EXT1: variants seen among roughly 807,000 people sequenced by gnomAD.
EXT1 encodes exostosin-1.
Under a neutral mutation model 82.5 loss-of-function variants are expected in EXT1, and 20 were observed. That is an observed-to-expected ratio of 0.24 (90% CI 0.17 to 0.35). The LOEUF (loss-of-function observed/expected upper bound fraction) is 0.35. Ranked by LOEUF, EXT1 falls within the 10% of genes least tolerant of loss-of-function variation. The probability of loss-of-function intolerance (pLI) is 1.00; values close to 1 mark genes in which losing one functional copy is unlikely to be tolerated. For missense variants in EXT1, 757 were observed against 936.5 expected, an observed-to-expected ratio of 0.81 and a Z score of 2.50; for synonymous variants, 348 against 350.8, an observed-to-expected ratio of 0.99 and a Z score of 0.09.
At chr8:117,876,058 G>A (rs1311437910) in intron 1 of EXT1, among the ~76,000 whole-genome samples, 4 of 152,182 alleles carry the variant, frequency 2.6e-5, no homozygotes, top group Admixed American at 6.5e-5. Flanking sequence ...TATAAGAGAT[G>A]CCCAATATGT....
chr8:117,836,992 C>A (rs1812197561), intron 2 of EXT1, 116 bp downstream of exon 2: 2 of 764,706 alleles, frequency 2.6e-6, no homozygotes, highest in East Asian at 5.0e-5. Context: ...ATTTTCAGAT[C>A]CTCAAGGGAA....
chr8:118,002,589 T>C (rs969467318), intron 1 of EXT1, among the ~76,000 whole-genome samples: 2 of 146,410 alleles, frequency 1.4e-5, no homozygotes, highest in Admixed American at 1.4e-4. Flanking sequence ...TGGAGCGCAG[T>C]GGTGCGATCT....
rs574855299 is a variant in EXT1 at position 118,010,304 on chromosome 8, G to A, written c.962+99781C>T. ...GGAGAATGGAGTGATCCCGGGAGAC[G>A]GAGCTTGCAGTGAGCTGAGATTGCG... On this transcript the variant is annotated intron_variant, in intron 1 of 10. Transcript: ENST00000378204. Among the ~76,000 whole-genome samples the A allele has an allele frequency of 1.7e-4, 25 of 150,462 alleles. No individual in the cohort carries two copies. In the South Asian group the frequency reaches 3.8e-3, roughly 23 times the overall value.
At chr8:118,005,504 GCTGA>G (rs1815755234) in intron 1 of EXT1, among the ~76,000 whole-genome samples, 1 of 152,170 alleles carries the variant, frequency 6.6e-6, no homozygotes, top group Admixed American at 6.5e-5. Context: ...CGTGCAATTA[GCTGA>G]CTTTCACAGC....
At chr8:117,869,242 C>A (rs1475698737) in intron 1 of EXT1, among the ~76,000 whole-genome samples, 19 of 152,192 alleles carry the variant, frequency 1.2e-4, no homozygotes, top group Admixed American at 1.2e-3. Context: ...GAAAGAAAAC[C>A]AATGTGCCAA....
intron 1 of EXT1, among the ~76,000 whole-genome samples, chr8:118,067,614 GGTCAA>G (rs1488521893): frequency 6.6e-6 from 1 of 152,148 alleles, no homozygotes; most frequent in Non-Finnish European, 1.5e-5. Context: ...TCAAAGCAGT[GGTCAA>G]GTCAATACTA....
intron 1 of EXT1, among the ~76,000 whole-genome samples, chr8:117,959,605 G>A (rs1814658258): frequency 6.6e-6 from 1 of 152,144 alleles, no homozygotes; most frequent in South Asian, 2.1e-4. Context: ...TCACAGATGA[G>A]GACACTGGAG....
At chr8:117,946,167 G>A (rs1436777287) in intron 1 of EXT1, among the ~76,000 whole-genome samples, 1 of 152,194 alleles carries the variant, frequency 6.6e-6, no homozygotes, top group Non-Finnish European at 1.5e-5. Context: ...CCAAAGTGCT[G>A]GGATTACAGG....
At chr8:118,054,884 G>C (rs775725969) in intron 1 of EXT1, among the ~76,000 whole-genome samples, 1 of 151,634 alleles carries the variant, frequency 6.6e-6, no homozygotes, top group Non-Finnish European at 1.5e-5. Context: ...GCCTCTCATT[G>C]TACAATTTCT....
intron 1 of EXT1, among the ~76,000 whole-genome samples, chr8:117,968,587 T>A: frequency 1.8e-5 from 1 of 54,524 alleles, no homozygotes. Flanking sequence ...TTTTTTTTTT[T>A]GAGACGGAGT....
In EXT1 at chr8:117,851,992, T is replaced by G. The variant is rs547431198; in HGVS notation, c.963-14791A>C. Among the ~76,000 whole-genome samples, 6 of 152,302 alleles carry G rather than the reference T, an allele frequency of 3.9e-5. No homozygotes were observed. In the East Asian group the frequency reaches 1.2e-3, roughly 29 times the overall value. ...TGGTGGTAATAACTCTAGCTAACAT[T>G]TATTGAGAACTTATTACATGCCCAA... On this transcript the variant is annotated intron_variant, in intron 1 of 10. Transcript: ENST00000378204.
intron 1 of EXT1, among the ~76,000 whole-genome samples, chr8:117,981,432 C>A (rs1484124422): frequency 6.6e-6 from 1 of 152,226 alleles, no homozygotes; most frequent in Non-Finnish European, 1.5e-5. Context: ...GAGCTACCCA[C>A]TAATTTATAA....
At chr8:118,007,158 G>A (rs1295281502) in intron 1 of EXT1, among the ~76,000 whole-genome samples, 8 of 152,100 alleles carry the variant, frequency 5.3e-5, no homozygotes, top group Admixed American at 1.3e-4. Context: ...TTAGCTGGGC[G>A]TGTTGGCGGG....
At chr8:117,975,913 C>T (rs1815056042) in intron 1 of EXT1, among the ~76,000 whole-genome samples, 1 of 152,064 alleles carries the variant, frequency 6.6e-6, no homozygotes, top group African/African-American at 2.4e-5. Flanking sequence ...TAGTGTTGAC[C>T]CTCGACGCTT....
At chr8:117,917,516 C>T (rs1813775409) in intron 1 of EXT1, among the ~76,000 whole-genome samples, 1 of 152,178 alleles carries the variant, frequency 6.6e-6, no homozygotes, top group Admixed American at 6.5e-5. Flanking sequence ...CACGTCTGCT[C>T]CTTTAATATT....
In EXT1 at chr8:118,110,138, G is replaced by C. The variant is rs1176457130; in HGVS notation, c.909C>G (p.Asp303Glu). The C allele has an allele frequency of 3.0e-5, 49 of 1,614,098 alleles. 1 individual carries two copies. In the Admixed American group the frequency reaches 8.2e-4, roughly 27 times the overall value. ...AGCGAGAATCCTTGTGCTTTTGCCAGTCTTTGCCATGCTTGCAGGTGGTGA... is the reference window on the plus strand; with the variant it reads ...AGCGAGAATCCTTGTGCTTTTGCCACTCTTTGCCATGCTTGCAGGTGGTGA... Reference protein sequence around the residue: ...VLLTTCKHGKDWQKHKDSRCD... With the variant: ...VLLTTCKHGKEWQKHKDSRCD... Residue 303 changes from aspartate to glutamate, a missense_variant, in exon 1 of 11, where the codon GAC becomes GAG. This residue lies in a region of EXT1 where 247 missense variants were observed against 330.1 expected (regional missense o/e 0.75). Coordinates refer to ENST00000378204, the MANE Select transcript of EXT1 (RefSeq NM_000127.3).
At chr8:118,084,529 C>T (rs948409053) in intron 1 of EXT1, among the ~76,000 whole-genome samples, 10 of 152,164 alleles carry the variant, frequency 6.6e-5, no homozygotes, top group Non-Finnish European at 1.3e-4. Context: ...ATAATTCAGT[C>T]GTTATTAAGC....
chr8:118,072,661 GGC>G (rs1323003225), intron 1 of EXT1, among the ~76,000 whole-genome samples: 2 of 152,176 alleles, frequency 1.3e-5, no homozygotes, highest in African/African-American at 4.8e-5. Context: ...AGATAGATCT[GGC>G]TGCACATTTT....
At chr8:118,094,806 G>A (rs978950082) in intron 1 of EXT1, among the ~76,000 whole-genome samples, 1 of 152,142 alleles carries the variant, frequency 6.6e-6, no homozygotes, top group East Asian at 1.9e-4. Flanking sequence ...GTTCCATTTC[G>A]GATTCGGTCA....
Sources: gnomAD v4.1 joint callset for allele counts (sites outside exome capture counted in the v4.1 genomes callset) on GRCh38, gnomAD v4.1.1 for gene constraint, gnomAD v4.1.1 regional missense constraint, MANE v1.5 for transcripts, NCBI Gene and HGNC (gene_info 2026-07-23, HGNC 2026-07-21) for gene names.